FBXO41: variants seen among roughly 807,000 people sequenced by gnomAD.
FBXO41 encodes F-box protein 41.
A neutral mutation model predicts 81.6 loss-of-function variants in FBXO41; 33 were observed. The ratio of observed to expected loss-of-function variants is 0.40; its 90% confidence interval spans 0.31 to 0.54. The LOEUF is 0.54. FBXO41 is among the 20% of genes least tolerant of loss of function. The probability of loss-of-function intolerance (pLI) is 0.39; values close to 1 mark genes in which losing one functional copy is unlikely to be tolerated. For missense variants in FBXO41, 1,107 were observed against 1,236.0 expected (o/e 0.90, Z 1.56); for synonymous variants, 576 against 552.7 (o/e 1.04, Z -0.59).
rs1171745497 is a variant in FBXO41 at position 73,255,155 on chromosome 2, C to A, written c.*3827G>T. 6.5e-6 allele frequency: 1 copy of A among 152,688 alleles called. No individual in the cohort carries two copies. Among genetic ancestry groups the A allele is most frequent in the Non-Finnish European group, 1.5e-5 (1 of 68,074 alleles). The allele number at this position is 152,688 out of a possible 1,614,324, so 9.5% of individuals were successfully genotyped here. On this transcript the variant is annotated 3_prime_UTR_variant, in exon 13 of 13. Transcript: ENST00000520530. The stretch of plus-strand genomic sequence containing the variant: ...CTTGTCAGGGCAGAGCTGAGGCTGG[C>A]AAGCCCAAGGCCAAGCCTCCCTTGG...
intron 1 of FBXO41, among the ~76,000 whole-genome samples, chr2:73,276,079 C>A (rs1688673489): frequency 6.6e-6 from 1 of 151,480 alleles, no homozygotes; most frequent in East Asian, 2.0e-4. Context: ...AGCCACCACA[C>A]CTGGCCAAGA....
At chr2:73,268,275 AAGG>A (rs146521206) in intron 2 of FBXO41, among the ~76,000 whole-genome samples, 5,552 of 152,340 alleles carry the variant, frequency 0.036, 138 homozygotes, top group Non-Finnish European at 0.051. Flanking sequence ...AAACAAATAC[AAGG>A]AGTTTTCTGT....
intron 2 of FBXO41, among the ~76,000 whole-genome samples, chr2:73,267,225 G>C (rs925489346): frequency 1.3e-5 from 2 of 152,212 alleles, no homozygotes; most frequent in African/African-American, 4.8e-5. Context: ...ACACATTCAT[G>C]TTTGTGTAGT....
Position 73,265,577 on chromosome 2 carries a change from C to A in FBXO41, c.1269G>T (p.Glu423Asp). The change falls in exon 5 of 13, where the codon GAG (glutamate) becomes GAT (aspartate). Residue 423 changes from glutamate (E) to aspartate (D), a missense_variant. Coordinates refer to ENST00000520530, the MANE Select transcript of FBXO41 (RefSeq NM_001371389.2). ...SSGCYDSDSL[E>D]LPRPEEGAPE... ...GGGCCCCCTCCTCTGGCCTGGGCAG[C>A]TCCAGACTGTCACTGTCATAGCAGC... is the stretch of plus-strand genomic sequence containing the variant. The A allele has an allele frequency of 1.3e-6, 2 of 1,550,518 alleles. No individual in the cohort carries two copies. Among genetic ancestry groups the A allele is most frequent in the Non-Finnish European group, 1.7e-6 (2 of 1,151,214 alleles).
At chr2:73,274,537 C>A (rs1251439736) in intron 1 of FBXO41, among the ~76,000 whole-genome samples, 1 of 152,168 alleles carries the variant, frequency 6.6e-6, no homozygotes, top group African/African-American at 2.4e-5. Context: ...CTTAGGAAAT[C>A]TCTCCCTACC....
chr2:73,267,647 A>G (rs867931009), intron 2 of FBXO41, among the ~76,000 whole-genome samples: 61 of 152,342 alleles, frequency 4.0e-4, no homozygotes, highest in African/African-American at 1.4e-3. Flanking sequence ...TTGGCTTACA[A>G]TGGGGATACA....
intron 2 of FBXO41, among the ~76,000 whole-genome samples, chr2:73,267,649 G>A (rs1409864341): frequency 2.0e-5 from 3 of 152,170 alleles, no homozygotes; most frequent in African/African-American, 7.2e-5. Flanking sequence ...GGCTTACAAT[G>A]GGGATACATC....
Position 73,269,205 on chromosome 2 carries a change from T to G in FBXO41, c.426A>C (p.Ala142=). ...CGATCTCGCGCAGCGCATAGCGCGC[T>G]GCTGCGGCGGGCACAAGGCCCGGCT... ...LAEPGLVPAA[A]ARYALREIEI... The change falls in exon 2 of 13, where the codon GCA becomes GCC. Residue 142 remains alanine (A), a synonymous_variant. Coordinates refer to ENST00000520530, the MANE Select transcript of FBXO41 (RefSeq NM_001371389.2). The surrounding 1 kb of genome is among the most constrained non-coding windows in gnomAD (Gnocchi z 7.0). 6.6e-7 allele frequency: 1 copy of G among 1,525,174 alleles called. No individual in the cohort carries two copies. Among genetic ancestry groups the G allele is most frequent in the Non-Finnish European group, 8.8e-7 (1 of 1,138,330 alleles). 94.5% of individuals were successfully genotyped at this position (1,525,174 alleles called of 1,614,324 possible).
intron 1 of FBXO41, among the ~76,000 whole-genome samples, chr2:73,279,995 T>C (rs1372085908): frequency 6.6e-6 from 1 of 152,090 alleles, no homozygotes; most frequent in East Asian, 1.9e-4. Context: ...GCTCAAAGCT[T>C]AACGTGACTA....
rs1468569537 is a variant in FBXO41, at chr2:73,263,943, G to A, written c.1917C>T (p.Ser639=). 2 of 1,611,144 alleles carry A rather than the reference G, an allele frequency of 1.2e-6. No homozygotes were observed. Among genetic ancestry groups the A allele is most frequent in the South Asian group, 1.1e-5 (1 of 90,612 alleles). The part of the protein sequence containing the change: ...KKESKEEYAR[S]TRGCLEAGLE... ...CCACCCATCGCAGGCCTCACCGGGT[G>A]CTCCGGGCATACTCCTCCTTGCTCT... Residue 639 remains serine (S), a synonymous_variant, in exon 7 of 13, where the codon AGC becomes AGT. Coordinates refer to ENST00000520530, the MANE Select transcript of FBXO41 (RefSeq NM_001371389.2).
chr2:73,277,549 C>T (rs1176684680), intron 1 of FBXO41, among the ~76,000 whole-genome samples: 3 of 152,044 alleles, frequency 2.0e-5, no homozygotes, highest in African/African-American at 4.8e-5. Context: ...TGATGCTCCT[C>T]GTATCTGAAA....
chr2:73,263,409 C>A, intron 8 of FBXO41, 101 bp from the exon 9 acceptor site: 1 of 919,564 alleles, frequency 1.1e-6, no homozygotes, highest in Non-Finnish European at 1.6e-6. Context: ...CGCCTGAGCC[C>A]AGGATTCCAG....
At chr2:73,281,699 G>A (rs916232503) in intron 1 of FBXO41, among the ~76,000 whole-genome samples, 2 of 152,236 alleles carry the variant, frequency 1.3e-5, no homozygotes, top group African/African-American at 4.8e-5. Context: ...TCAACATAAT[G>A]CAGCTGTGTG....
rs376989399 is a variant in FBXO41 at position 73,265,619 on chromosome 2, G to A, written c.1227C>T (p.Ala409=). Residue 409 remains alanine, a synonymous_variant, in exon 5 of 13, where the codon GCC becomes GCT. Transcript: ENST00000520530. ...CATAGCAGCCTGAGCTCTGGGATGCGGCTGGCACACGGCTGGAGGCCCTGG... is the reference window on the plus strand; with the variant it reads ...CATAGCAGCCTGAGCTCTGGGATGCAGCTGGCACACGGCTGGAGGCCCTGG... ...PSTGASSRVP[A]ASQSSGCYDS... 72 of 1,519,672 alleles carry A rather than the reference G, an allele frequency of 4.7e-5. No individual in the cohort carries two copies. Among genetic ancestry groups the A allele is most frequent in the Middle Eastern group, 3.6e-4 (2 of 5,632 alleles). 94.1% of individuals were successfully genotyped at this position (1,519,672 alleles called of 1,614,324 possible).
Position 73,284,100 on chromosome 2 carries a change from G to A in FBXO41, c.-139+60C>T, listed in dbSNP as rs920944261. ...AAGGGGAAGAAGGGACAGTGGCTGGGGTCCTCCCTCCTTCCCTCTCCGGGA... is the reference window on the plus strand; with the variant it reads ...AAGGGGAAGAAGGGACAGTGGCTGGAGTCCTCCCTCCTTCCCTCTCCGGGA... On this transcript the variant is annotated intron_variant, in intron 1 of 12. Coordinates refer to ENST00000520530, the MANE Select transcript of FBXO41 (RefSeq NM_001371389.2). This position sits in a 1 kb window ranked among gnomAD's most constrained non-coding sequence, Gnocchi z 7.4. The A allele has an allele frequency of 2.0e-5, 3 of 152,360 alleles. No individual in the cohort carries two copies. Among genetic ancestry groups the A allele is most frequent in the African/African-American group, 7.2e-5 (3 of 41,470 alleles). 9.4% of individuals were successfully genotyped at this position (152,360 alleles called of 1,614,324 possible).
intron 1 of FBXO41, among the ~76,000 whole-genome samples, chr2:73,280,288 T>C (rs1325855733): frequency 6.6e-6 from 1 of 152,268 alleles, no homozygotes; most frequent in East Asian, 1.9e-4. Context: ...CCCTTCTATC[T>C]GGACCACTGA....
In FBXO41 at chr2:73,284,426, G is replaced by T; in HGVS notation, c.-405C>A. 6.6e-6 allele frequency: 1 copy of T among 152,596 alleles called. No individual in the cohort carries two copies. 9.5% of individuals were successfully genotyped at this position (152,596 alleles called of 1,614,324 possible). Reference sequence around the variant, plus strand: ...GAGGAGGAGGAGGAGGGGGAGGAGGGGGCGCGCGGGCCGAGGAAAGCAAGG... The same window carrying T: ...GAGGAGGAGGAGGAGGGGGAGGAGGTGGCGCGCGGGCCGAGGAAAGCAAGG... On this transcript the variant is annotated 5_prime_UTR_variant, in exon 1 of 13. Transcript: ENST00000520530. This position sits in a 1 kb window ranked among gnomAD's most constrained non-coding sequence, Gnocchi z 7.4.
chr2:73,266,403 G>T lies in FBXO41; in HGVS notation c.1131+54C>A. 1 of 1,438,190 alleles carries T rather than the reference G, an allele frequency of 7.0e-7. No homozygotes were observed. The allele number at this position is 1,438,190 out of a possible 1,614,324, so 89.1% of individuals were successfully genotyped here. On this transcript the variant is annotated intron_variant, in intron 3 of 12. Coordinates refer to ENST00000520530, the MANE Select transcript of FBXO41 (RefSeq NM_001371389.2). The surrounding 1 kb of genome is among the most constrained non-coding windows in gnomAD (Gnocchi z 5.3). ...AGATGTCCAGCCATGTGAAAGGTGA[G>T]GTTGTGGGGGGCCAGGTGTGCAGGT...
At position 73,268,770 on chromosome 2, in the gene FBXO41, C is replaced by T; in HGVS notation, c.861G>A (p.Lys287=). 6.3e-7 allele frequency: 1 copy of T among 1,574,846 alleles called. No homozygotes were observed. ...CCTGTTCCTTGTGCACCAGGTCCTG[C>T]TTGAGTGAGGCCAGCAGCTCTACGC... ...DVSVELLASL[K]QDLVHKEQEL... Residue 287 remains lysine (K), a synonymous_variant, in exon 2 of 13, where the codon AAG becomes AAA. Transcript: ENST00000520530.
Sources: gnomAD v4.1 joint callset for allele counts (sites outside exome capture counted in the v4.1 genomes callset) on GRCh38, gnomAD v4.1.1 for gene constraint, Gnocchi (gnomAD v3.1) non-coding constraint, MANE v1.5 for transcripts, NCBI Gene and HGNC (gene_info 2026-07-23, HGNC 2026-07-21) for gene names.